Variants in SNX27 observed in about 807,000 individuals in gnomAD.
SNX27 encodes the protein sorting nexin 27.
A neutral mutation model predicts 71.6 loss-of-function variants in SNX27; 22 were observed. That is an observed-to-expected ratio of 0.31 (90% CI 0.22 to 0.44). The LOEUF (loss-of-function observed/expected upper bound fraction) is 0.44, where lower values mean the gene tolerates loss of function less well. Among genes scored for constraint, SNX27 ranks in the 20% least tolerant of loss-of-function variants. The pLI is 1.00. For missense variants in SNX27, 531 were observed against 698.6 expected, an observed-to-expected ratio of 0.76 and a Z score of 2.70; for synonymous variants, 269 against 277.2, an observed-to-expected ratio of 0.97 and a Z score of 0.29.
At chr1:151,681,233 ATCTTT>A (rs1670931128) in intron 7 of SNX27, among the ~76,000 whole-genome samples, 1 of 87,378 alleles carries the variant, frequency 1.1e-5, no homozygotes, top group African/African-American at 5.0e-5. Flanking sequence ...TAGTCTCTCA[ATCTTT>A]TTTTTTTTTT....
chr1:151,668,517 A>G lies in SNX27; in HGVS notation c.1031A>G (p.Gln344Arg), dbSNP rs1272112172. 1 of 1,613,656 alleles carries G rather than the reference A, an allele frequency of 6.2e-7. No individual in the cohort carries two copies. Among genetic ancestry groups the G allele is most frequent in the Non-Finnish European group, 8.5e-7 (1 of 1,179,880 alleles). The change falls in exon 7 of 12, where the codon CAG becomes CGG. Residue 344 changes from glutamine to arginine, a missense_variant. This residue lies in a region of SNX27 where 184 missense variants were observed against 289.6 expected (regional missense o/e 0.64). Transcript: ENST00000458013. ...PNEFPHKLYI[Q>R]NYTSAVPGTC... ...GAGTTTCCTCACAAACTCTACATTC[A>G]GAATTATACATCAGCTGTGCCAGGC... is the stretch of plus-strand genomic sequence containing the variant.
At chr1:151,689,989 C>A (rs1206876737) in intron 8 of SNX27, among the ~76,000 whole-genome samples, 2 of 152,106 alleles carry the variant, frequency 1.3e-5, no homozygotes, top group Non-Finnish European at 2.9e-5. Flanking sequence ...GCTGGGATTA[C>A]AGGTGCATGC....
At chr1:151,643,678 TAGAC>T (rs1000934481) in intron 2 of SNX27, among the ~76,000 whole-genome samples, 5 of 152,110 alleles carry the variant, frequency 3.3e-5, no homozygotes, top group Admixed American at 2.6e-4. Flanking sequence ...TTTTATTTTT[TAGAC>T]AGAGTTTCGC....
intron 1 of SNX27, among the ~76,000 whole-genome samples, chr1:151,638,062 TG>T (rs1464278221): frequency 6.6e-6 from 1 of 152,214 alleles, no homozygotes; most frequent in African/African-American, 2.4e-5. Context: ...GCATCTTTCT[TG>T]ACAAAATACT....
chr1:151,650,053 A>C (rs2460996), intron 2 of SNX27, among the ~76,000 whole-genome samples: 84,254 of 151,656 alleles, frequency 0.56, 24,967 homozygotes, highest in Non-Finnish European at 0.68. Flanking sequence ...ACACCCGGCT[A>C]ATTTTTGTAT....
intron 2 of SNX27, among the ~76,000 whole-genome samples, chr1:151,657,516 G>A (rs1669751682): frequency 1.3e-5 from 2 of 152,098 alleles, no homozygotes; most frequent in Admixed American, 1.3e-4. Flanking sequence ...CAACTTTAGA[G>A]CCAGTTTAGG....
intron 7 of SNX27, chr1:151,669,304 T>G (rs1670354826): frequency 6.6e-6 from 1 of 152,226 alleles, no homozygotes; most frequent in Non-Finnish European, 1.5e-5. Flanking sequence ...TACAATATTA[T>G]GACTGTAAAT....
At chr1:151,655,365 C>T (rs917088876) in intron 2 of SNX27, among the ~76,000 whole-genome samples, 1 of 152,176 alleles carries the variant, frequency 6.6e-6, no homozygotes, top group African/African-American at 2.4e-5. Context: ...TTATTTACTG[C>T]TCCCGGCTGA....
intron 7 of SNX27, among the ~76,000 whole-genome samples, chr1:151,670,003 T>G (rs1249777435): frequency 2.0e-5 from 3 of 152,212 alleles, no homozygotes; most frequent in Non-Finnish European, 2.9e-5. Flanking sequence ...TCTACCTATT[T>G]TTTTTGTACC....
intron 1 of SNX27, among the ~76,000 whole-genome samples, chr1:151,630,546 G>A (rs989268308): frequency 2.6e-5 from 4 of 152,002 alleles, no homozygotes; most frequent in African/African-American, 9.7e-5. Context: ...AGATGTGAGG[G>A]GCAAAATATT....
At chr1:151,643,183 G>A (rs1416280023) in intron 2 of SNX27, among the ~76,000 whole-genome samples, 2 of 147,220 alleles carry the variant, frequency 1.4e-5, no homozygotes, top group East Asian at 4.2e-4. Flanking sequence ...AGGCTGGTCT[G>A]GAACTCCTGA....
intron 2 of SNX27, among the ~76,000 whole-genome samples, chr1:151,641,227 G>C (rs1394416134): frequency 6.6e-6 from 1 of 152,082 alleles, no homozygotes; most frequent in Non-Finnish European, 1.5e-5. Flanking sequence ...TATATACCAA[G>C]AAGTGGAATT....
intron 4 of SNX27, chr1:151,661,209 T>C (rs1278054772): frequency 4.8e-6 from 1 of 206,976 alleles, no homozygotes; most frequent in Non-Finnish European, 1.0e-5. Flanking sequence ...TATTTTTAGC[T>C]TACAAGAGTG....
rs551373124 is a variant in SNX27 at position 151,628,658 on chromosome 1, C to T, written c.312-10230C>T. 3.7e-4 allele frequency among the ~76,000 whole-genome samples: 56 copies of T among 152,188 alleles called. 1 individual carries two copies. In the South Asian group the frequency reaches 0.011, roughly 30 times the overall value. On this transcript the variant is annotated intron_variant, in intron 1 of 11. Coordinates refer to ENST00000458013, the MANE Select transcript of SNX27 (RefSeq NM_001330723.2). ...CACCAGCATTTGGTATTTGGTATTA[C>T]CAGGTTTTTTGATTTTAGGCATTCT...
intron 7 of SNX27, among the ~76,000 whole-genome samples, chr1:151,670,432 G>C (rs1287461715): frequency 6.6e-6 from 1 of 152,080 alleles, no homozygotes; most frequent in Non-Finnish European, 1.5e-5. Flanking sequence ...TTGCTGGATC[G>C]TATGATGGTT....
chr1:151,675,366 T>C (rs1670636257), intron 7 of SNX27, among the ~76,000 whole-genome samples: 1 of 152,168 alleles, frequency 6.6e-6, no homozygotes, highest in African/African-American at 2.4e-5. Flanking sequence ...AGTATTTACA[T>C]GTATATTTGG....
intron 5 of SNX27, among the ~76,000 whole-genome samples, chr1:151,664,700 A>G (rs540600674): frequency 6.6e-6 from 1 of 152,206 alleles, no homozygotes; most frequent in East Asian, 1.9e-4. Context: ...TTATTCATTC[A>G]CTGTATTTTA....
At chr1:151,678,875 C>T (rs1202752688) in intron 7 of SNX27, 2 of 152,112 alleles carry the variant, frequency 1.3e-5, no homozygotes, top group Non-Finnish European at 2.9e-5. Context: ...AGTTGCATAT[C>T]ACCAAGCCCA....
intron 1 of SNX27, among the ~76,000 whole-genome samples, chr1:151,627,177 C>T (rs978568805): frequency 6.6e-6 from 1 of 152,204 alleles, no homozygotes; most frequent in Non-Finnish European, 1.5e-5. Context: ...TTCATCTCTA[C>T]TGCATTACCA....
Sources: gnomAD v4.1 joint callset for allele counts (sites outside exome capture counted in the v4.1 genomes callset) on GRCh38, gnomAD v4.1.1 for gene constraint, gnomAD v4.1.1 regional missense constraint, MANE v1.5 for transcripts, NCBI Gene and HGNC (gene_info 2026-07-23, HGNC 2026-07-21) for gene names.